OR51B5: variants seen among roughly 807,000 people sequenced by gnomAD.
The protein encoded by OR51B5 is olfactory receptor family 51 subfamily B member 5.
For missense variants in OR51B5, 456 were observed against 374.6 expected, an observed-to-expected ratio of 1.22 and a Z score of -1.79; for synonymous variants, 186 against 144.8, an observed-to-expected ratio of 1.28 and a Z score of -2.04.
intron 1 of OR51B5, among the ~76,000 whole-genome samples, chr11:5,452,648 A>G (rs1205949272): frequency 2.7e-5 from 4 of 150,594 alleles, no homozygotes; most frequent in Non-Finnish European, 4.4e-5. Context: ...ACTATGAATG[A>G]GCTTTCTTAC....
chr11:5,490,310 G>A (rs444819), intron 1 of OR51B5, among the ~76,000 whole-genome samples: 146,425 of 152,306 alleles, frequency 0.96, 70,417 homozygotes, highest in South Asian at 0.99. Flanking sequence ...CTCTCTAAAC[G>A]TTACTAGTAA....
intron 1 of OR51B5, among the ~76,000 whole-genome samples, chr11:5,421,765 T>A (rs1010813770): frequency 2.0e-5 from 3 of 152,130 alleles, no homozygotes; most frequent in Non-Finnish European, 4.4e-5. Flanking sequence ...AAGGAGATAT[T>A]TGGAAAAAGA....
upstream of OR51B5, among the ~76,000 whole-genome samples, chr11:5,347,549 G>A (rs892008341): frequency 6.6e-6 from 1 of 152,246 alleles, no homozygotes; most frequent in East Asian, 1.9e-4. Context: ...TATTATATGC[G>A]TTTTACAGTA....
chr11:5,479,100 G>A (rs1488146194), intron 1 of OR51B5, among the ~76,000 whole-genome samples: 1 of 148,890 alleles, frequency 6.7e-6, no homozygotes, highest in African/African-American at 2.5e-5. Context: ...AATGTTAAGG[G>A]CAGCCAGAGA....
chr11:5,357,518 A>T (rs1194396025), intron 1 of OR51B5, among the ~76,000 whole-genome samples: 1 of 152,082 alleles, frequency 6.6e-6, no homozygotes, highest in Non-Finnish European at 1.5e-5. Flanking sequence ...CTCTCACACA[A>T]TAACAATGGG....
chr11:5,387,435 A>T (rs1045349774), intron 1 of OR51B5, among the ~76,000 whole-genome samples: 2 of 152,172 alleles, frequency 1.3e-5, no homozygotes, highest in African/African-American at 4.8e-5. Flanking sequence ...GAAGTAAAGA[A>T]ATGGAAAAGA....
At chr11:5,374,048 TGACCCCC>T (rs1448750040) in intron 1 of OR51B5, among the ~76,000 whole-genome samples, 4 of 152,148 alleles carry the variant, frequency 2.6e-5, no homozygotes, top group Non-Finnish European at 4.4e-5. Flanking sequence ...CCCTGACCCC[TGACCCCC>T]GAGCAGCCTA....
At chr11:5,341,838 G>T (rs904959558), downstream of OR51B5, among the ~76,000 whole-genome samples, 13 of 152,124 alleles carry the variant, frequency 8.5e-5, no homozygotes, top group Admixed American at 1.3e-4. Context: ...TAGCAACTAG[G>T]GTAGTAGAAT....
chr11:5,478,171 G>A lies in OR51B5; in HGVS notation n.84+27398C>T, dbSNP rs552065000. Among the ~76,000 whole-genome samples, 1,106 of 152,002 alleles carry A rather than the reference G, an allele frequency of 7.3e-3. 12 individuals carry two copies. The highest frequency in any genetic ancestry group is 0.025 in the African/African-American group (1,053 of 41,464). On this transcript the variant is annotated intron_variant and non_coding_transcript_variant, in intron 1 of 4. Transcript: ENST00000415970. ...GCAAGCAGCTGGAGATCTGAGAACG[G>A]GTAGACTGCCTCCTCAAGTGGGTCC...
At chr11:5,473,854 AGTGT>A (rs71053262) in intron 1 of OR51B5, among the ~76,000 whole-genome samples, 19,736 of 150,012 alleles carry the variant, frequency 0.13, 1,414 homozygotes, top group Admixed American at 0.17. Context: ...TTACAAAATG[AGTGT>A]GTGTGTGTGT....
Position 5,418,432 on chromosome 11 carries a change from CAAAAAG to C in OR51B5, n.85-71528_85-71523del, listed in dbSNP as rs1269579200. On this transcript the variant is annotated intron_variant and non_coding_transcript_variant, in intron 1 of 4. Transcript: ENST00000415970. ...ATAATAAAAACAAAACAAAACAAAA[CAAAAAG>C]AAAAACAAAACAAACAAACAAAAAA... is the stretch of plus-strand genomic sequence containing the variant. Among the ~76,000 whole-genome samples, 36 of 112,660 alleles carry C rather than the reference CAAAAAG, an allele frequency of 3.2e-4. 1 individual carries two copies. In the South Asian group the frequency reaches 7.5e-3, roughly 24 times the overall value. The allele number at this position is 112,660 out of a possible 152,430, so 73.9% of individuals were successfully genotyped here. A position where few individuals can be genotyped will look rare whatever the true frequency, so the allele number is the denominator to read the frequency against.
At chr11:5,457,291 G>A (rs945929539) in intron 1 of OR51B5, among the ~76,000 whole-genome samples, 6 of 152,180 alleles carry the variant, frequency 3.9e-5, no homozygotes, top group African/African-American at 1.4e-4. Flanking sequence ...CCGCATCCAT[G>A]TAGCTGCAAA....
chr11:5,383,550 A>T (rs576437306), intron 1 of OR51B5, among the ~76,000 whole-genome samples: 1 of 152,246 alleles, frequency 6.6e-6, no homozygotes, highest in Non-Finnish European at 1.5e-5. Flanking sequence ...AAATAAAATG[A>T]TAAGTGATAT....
chr11:5,437,244 A>G (rs578002200), intron 1 of OR51B5, among the ~76,000 whole-genome samples: 110 of 152,168 alleles, frequency 7.2e-4, no homozygotes, highest in African/African-American at 2.4e-3. Flanking sequence ...CAAAAGTGCA[A>G]CTCTGTGCTC....
upstream of OR51B5, among the ~76,000 whole-genome samples, chr11:5,348,215 G>C (rs4495917): frequency 0.3 from 45,177 of 152,034 alleles, 7,430 homozygotes; most frequent in Non-Finnish European, 0.38. Context: ...AAAAGTGAAG[G>C]ATAGATTCTG....
intron 1 of OR51B5, among the ~76,000 whole-genome samples, chr11:5,371,848 AAACTT>A (rs1240443878): frequency 6.6e-6 from 1 of 152,114 alleles, no homozygotes; most frequent in African/African-American, 2.4e-5. Context: ...CTAGATCTCT[AAACTT>A]ATTTATCCTA....
chr11:5,390,326 G>C (rs1251662115), intron 1 of OR51B5: 1 of 1,613,040 alleles, frequency 6.2e-7, no homozygotes, highest in Non-Finnish European at 8.5e-7. Flanking sequence ...TAAGACCAAG[G>C]AGATCCACCG....
intron 1 of OR51B5, among the ~76,000 whole-genome samples, chr11:5,386,466 A>C (rs1849697469): frequency 1.3e-5 from 2 of 152,234 alleles, no homozygotes; most frequent in African/African-American, 4.8e-5. Context: ...AGTTACATGA[A>C]ATATTCATGA....
intron 1 of OR51B5, among the ~76,000 whole-genome samples, chr11:5,385,868 T>A (rs10837972): frequency 0.25 from 26,954 of 107,594 alleles, 2,598 homozygotes; most frequent in African/African-American, 0.33. Context: ...TATAAAGTAT[T>A]TATGAGTAAA....
Sources: gnomAD v4.1 joint callset for allele counts (sites outside exome capture counted in the v4.1 genomes callset) on GRCh38, gnomAD v4.1.1 for gene constraint, MANE v1.5 for transcripts, NCBI Gene and HGNC (gene_info 2026-07-23, HGNC 2026-07-21) for gene names.